FHIT: variants seen among roughly 807,000 people sequenced by gnomAD.
FHIT encodes bis(5'-adenosyl)-triphosphatase.
FHIT carries 19 observed loss-of-function variants against 17.9 expected under a neutral mutation model. The ratio of observed to expected loss-of-function variants is 1.06; its 90% confidence interval spans 0.74 to 1.56. FHIT has a LOEUF of 1.56. Ranked by LOEUF, FHIT falls within the 40% of genes most tolerant of loss-of-function variation. The pLI is 0.00. For missense variants in FHIT, 248 were observed against 189.2 expected (o/e 1.31, Z -1.82); for synonymous variants, 81 against 69.7 (o/e 1.16, Z -0.81).
At chr3:60,781,226 G>A (rs1246494294) in intron 4 of FHIT, among the ~76,000 whole-genome samples, 1 of 151,720 alleles carries the variant, frequency 6.6e-6, no homozygotes, top group Non-Finnish European at 1.5e-5. Context: ...TCAAGCTTTA[G>A]CATCTACACG....
chr3:61,026,287 G>T (rs1278605245), intron 3 of FHIT, among the ~76,000 whole-genome samples: 1 of 152,138 alleles, frequency 6.6e-6, no homozygotes, highest in Non-Finnish European at 1.5e-5. Flanking sequence ...CAGAAGCCAA[G>T]AGTGTTTGGG....
At chr3:60,201,382 T>C (rs1422024665) in intron 5 of FHIT, among the ~76,000 whole-genome samples, 1 of 152,108 alleles carries the variant, frequency 6.6e-6, no homozygotes, top group African/African-American at 2.4e-5. Context: ...GGTCTCACTA[T>C]ACTGCCCAGG....
At chr3:60,179,688 A>C (rs1287387292) in intron 5 of FHIT, among the ~76,000 whole-genome samples, 2 of 149,824 alleles carry the variant, frequency 1.3e-5, no homozygotes, top group Non-Finnish European at 3.0e-5. Flanking sequence ...TAAGTGTGTA[A>C]AAAAAAAAAT....
At chr3:60,336,633 G>C (rs541662924) in intron 5 of FHIT, among the ~76,000 whole-genome samples, 1 of 152,146 alleles carries the variant, frequency 6.6e-6, no homozygotes, top group African/African-American at 2.4e-5. Flanking sequence ...CAAAACTTTA[G>C]TTAATAAAAA....
At chr3:59,751,863 TTTAAG>T (rs3074239) in intron 9 of FHIT, 22 of 50,340 alleles carry the variant, frequency 4.4e-4, no homozygotes, top group Non-Finnish European at 1.0e-3. Context: ...ATGTCACACC[TTTAAG>T]TTAAGTTGGG....
intron 4 of FHIT, among the ~76,000 whole-genome samples, chr3:60,747,105 T>C (rs1323913619): frequency 1.3e-5 from 2 of 151,846 alleles, no homozygotes; most frequent in Non-Finnish European, 2.9e-5. Flanking sequence ...AAGATCACAG[T>C]TCTGTGGTTC....
At chr3:60,310,353 G>C (rs890294512) in intron 5 of FHIT, among the ~76,000 whole-genome samples, 2 of 152,130 alleles carry the variant, frequency 1.3e-5, no homozygotes, top group African/African-American at 4.8e-5. Context: ...GTGCTGAAAA[G>C]AATAAGGGTT....
chr3:60,621,010 T>A (rs1415661676), intron 4 of FHIT, among the ~76,000 whole-genome samples: 1 of 152,104 alleles, frequency 6.6e-6, no homozygotes, highest in Non-Finnish European at 1.5e-5. Flanking sequence ...AATAGCCTTA[T>A]AAAAAATGTC....
At chr3:60,107,060 T>G (rs1704449862) in intron 5 of FHIT, among the ~76,000 whole-genome samples, 1 of 152,054 alleles carries the variant, frequency 6.6e-6, no homozygotes, top group South Asian at 2.1e-4. Context: ...AAGCTGAATT[T>G]TACATGCATT....
chr3:60,304,976 T>C (rs796092308), intron 5 of FHIT, among the ~76,000 whole-genome samples: 3 of 152,244 alleles, frequency 2.0e-5, no homozygotes, highest in East Asian at 3.9e-4. Flanking sequence ...TCTGTGGCAA[T>C]TGAGAAGGAT....
At position 61,089,161 on chromosome 3, in the gene FHIT, G is replaced by GGGGTACAGCAT. The variant is rs554472429; in HGVS notation, c.-163-47063_-163-47062insATGCTGTACCC. ...AAACTGGCATAGGGCATCCAAAGTGGGGTGAGAAGGCTCTTGTGTCAGACT... is the reference window on the plus strand; with the variant it reads ...AAACTGGCATAGGGCATCCAAAGTGGGGGTACAGCATGGTGAGAAGGCTCTTGTGTCAGACT... On this transcript the variant is annotated intron_variant, in intron 2 of 9. Transcript: ENST00000492590. Among the ~76,000 whole-genome samples the GGGGTACAGCAT allele has an allele frequency of 6.3e-3, 960 of 152,234 alleles. 10 individuals carry two copies. The highest frequency in any genetic ancestry group is 0.022 in the African/African-American group (923 of 41,550).
chr3:60,913,165 A>G (rs1427210735), intron 3 of FHIT, among the ~76,000 whole-genome samples: 1 of 152,258 alleles, frequency 6.6e-6, no homozygotes, highest in African/African-American at 2.4e-5. Context: ...AGACTTGAAG[A>G]AAACACGACT....
At chr3:60,973,250 T>A (rs1327237605) in intron 3 of FHIT, among the ~76,000 whole-genome samples, 1 of 152,172 alleles carries the variant, frequency 6.6e-6, no homozygotes, top group African/African-American at 2.4e-5. Flanking sequence ...GCTGGTATAT[T>A]TCCAGTTTGC....
At chr3:60,905,726 G>A (rs1481172450) in intron 3 of FHIT, among the ~76,000 whole-genome samples, 1 of 152,140 alleles carries the variant, frequency 6.6e-6, no homozygotes, top group Non-Finnish European at 1.5e-5. Context: ...AGGTGAAAGA[G>A]TATACATAGC....
chr3:59,923,766 C>G (rs1188603870), intron 7 of FHIT, among the ~76,000 whole-genome samples: 2 of 152,070 alleles, frequency 1.3e-5, no homozygotes, highest in African/African-American at 4.8e-5. Flanking sequence ...CTCCAAAAGG[C>G]CTCAAGAGAA....
intron 3 of FHIT, among the ~76,000 whole-genome samples, chr3:60,943,775 C>T (rs1708516235): frequency 6.6e-6 from 1 of 152,128 alleles, no homozygotes; most frequent in African/African-American, 2.4e-5. Context: ...AATTTAGACA[C>T]ATTGGCAAAT....
At chr3:60,001,780 C>T (rs1468086100) in intron 7 of FHIT, among the ~76,000 whole-genome samples, 3 of 152,124 alleles carry the variant, frequency 2.0e-5, no homozygotes, top group Non-Finnish European at 4.4e-5. Flanking sequence ...TGGAGCAGAG[C>T]TTGGAGTCAC....
At chr3:60,000,206 A>C (rs1699674334) in intron 7 of FHIT, among the ~76,000 whole-genome samples, 1 of 152,162 alleles carries the variant, frequency 6.6e-6, no homozygotes, top group African/African-American at 2.4e-5. Flanking sequence ...CCTAAAGTCA[A>C]GGGAATCCTA....
In FHIT at chr3:59,821,457, T is replaced by C. The variant is rs139517368; in HGVS notation, c.349-69136A>G. 8.9e-3 allele frequency among the ~76,000 whole-genome samples: 1,359 copies of C among 152,332 alleles called. 29 individuals are homozygous for C. The highest frequency in any genetic ancestry group is 0.045 in the Admixed American group (689 of 15,300). The stretch of plus-strand genomic sequence containing the variant: ...ATCTGCAAGGAGACAGCTGCAGTTT[T>C]GCCTCTTCATGTGGTTTCCTCAAAC... On this transcript the variant is annotated intron_variant, in intron 8 of 9. Coordinates refer to ENST00000492590, the MANE Select transcript of FHIT (RefSeq NM_002012.4).
Sources: gnomAD v4.1 joint callset for allele counts (sites outside exome capture counted in the v4.1 genomes callset) on GRCh38, gnomAD v4.1.1 for gene constraint, MANE v1.5 for transcripts, NCBI Gene and HGNC (gene_info 2026-07-23, HGNC 2026-07-21) for gene names.